The following DOCK4 variants were observed in gnomAD, a reference collection of about 807,000 sequenced individuals.
DOCK4 encodes dedicator of cytokinesis 4.
Under a neutral mutation model 268.1 loss-of-function variants are expected in DOCK4, and 97 were observed. That is an observed-to-expected ratio of 0.36 (90% CI 0.31 to 0.43). The LOEUF (loss-of-function observed/expected upper bound fraction) is 0.43. DOCK4 is among the 20% of genes least tolerant of loss of function. The probability of loss-of-function intolerance (pLI) is 1.00; values close to 1 mark genes in which losing one functional copy is unlikely to be tolerated. For synonymous variants in DOCK4, 954 were observed against 887.2 expected, an observed-to-expected ratio of 1.08 and a Z score of -1.34; for missense variants, 2,145 against 2,455.7, an observed-to-expected ratio of 0.87 and a Z score of 2.67.
intron 1 of DOCK4, among the ~76,000 whole-genome samples, chr7:112,203,518 C>T (rs757195): frequency 0.79 from 120,193 of 152,032 alleles, 47,661 homozygotes; most frequent in Middle Eastern, 0.84. Flanking sequence ...TTATCTCATA[C>T]ATAAATGAGG....
At chr7:111,939,767 A>G (rs1795053763) in intron 11 of DOCK4, among the ~76,000 whole-genome samples, 1 of 152,156 alleles carries the variant, frequency 6.6e-6, no homozygotes, top group East Asian at 1.9e-4. Flanking sequence ...ATTCTAATAA[A>G]TTTACTTCAA....
Position 112,050,415 on chromosome 7 carries a change from T to G in DOCK4, c.38-46284A>C, listed in dbSNP as rs1212679702. Among the ~76,000 whole-genome samples, 3 of 152,160 alleles carry G rather than the reference T, an allele frequency of 2.0e-5. No homozygotes were observed. The East Asian group carries it at 5.8e-4, about 29-fold the overall frequency. On this transcript the variant is annotated intron_variant, in intron 1 of 52. Coordinates refer to ENST00000428084, the MANE Select transcript of DOCK4 (RefSeq NM_001363540.2). Reference sequence around the variant, plus strand: ...CACAATCCTAAACATGGTATTTACTTGCCCAACAACCTTTTTAGTATGCTG... The same window carrying G: ...CACAATCCTAAACATGGTATTTACTGGCCCAACAACCTTTTTAGTATGCTG...
chr7:111,916,068 C>A (rs1247769915), intron 12 of DOCK4, among the ~76,000 whole-genome samples, 164 bp from the exon 13 acceptor site: 1 of 152,184 alleles, frequency 6.6e-6, no homozygotes, highest in African/African-American at 2.4e-5. Flanking sequence ...CTGAATAACA[C>A]TTTTCCAACT....
At chr7:111,741,702 T>C (rs758156487) in intron 45 of DOCK4, 41 bp from the exon 46 acceptor site, 27 of 1,600,368 alleles carry the variant, frequency 1.7e-5, no homozygotes, top group Admixed American at 1.4e-4. Context: ...ACAGTAATGA[T>C]TTGGGCAAAA....
At chr7:112,058,024 A>ATT (rs67991598) in intron 1 of DOCK4, among the ~76,000 whole-genome samples, 1,587 of 114,990 alleles carry the variant, frequency 0.014, 59 homozygotes, top group African/African-American at 0.033. Flanking sequence ...TACAGGTTCA[A>ATT]TTTTTTTTTT....
chr7:112,177,184 G>A (rs1457767295), intron 1 of DOCK4, among the ~76,000 whole-genome samples: 3 of 152,170 alleles, frequency 2.0e-5, no homozygotes. Context: ...CCTAGGCTGA[G>A]GTATTTGTTA....
intron 1 of DOCK4, among the ~76,000 whole-genome samples, chr7:112,022,379 C>T (rs1017284333): frequency 1.3e-5 from 2 of 152,186 alleles, no homozygotes; most frequent in Non-Finnish European, 2.9e-5. Flanking sequence ...TCACAAAGCT[C>T]GGTGGTGGTA....
intron 1 of DOCK4, among the ~76,000 whole-genome samples, chr7:112,024,916 T>C (rs1802638846): frequency 6.6e-6 from 1 of 152,222 alleles, no homozygotes; most frequent in Non-Finnish European, 1.5e-5. Flanking sequence ...TTACCTTTTA[T>C]ATTCTAAGCT....
chr7:111,745,479 G>A lies in DOCK4; in HGVS notation c.4677+855C>T, dbSNP rs906412952. Among the ~76,000 whole-genome samples the A allele has an allele frequency of 7.9e-5, 12 of 151,628 alleles. No individual in the cohort carries two copies. The East Asian group carries it at 1.4e-3, about 17-fold the overall frequency. ...GGGTGGATCACAAGGTCAGGAGATC[G>A]AGACCATCCTGGCTAACACAGTGAA... On this transcript the variant is annotated intron_variant, in intron 44 of 52. Transcript: ENST00000428084.
intron 1 of DOCK4, among the ~76,000 whole-genome samples, chr7:112,158,048 A>C (rs1049795561): frequency 3.3e-5 from 5 of 152,218 alleles, no homozygotes; most frequent in Admixed American, 1.3e-4. Flanking sequence ...GACTATAATA[A>C]TACTGAAATG....
At chr7:112,203,621 A>G (rs1188835574) in intron 1 of DOCK4, among the ~76,000 whole-genome samples, 1 of 152,216 alleles carries the variant, frequency 6.6e-6, no homozygotes, top group Non-Finnish European at 1.5e-5. Flanking sequence ...AGAATGAAGA[A>G]ACTAAATTAC....
At chr7:111,981,729 T>C (rs928069530) in intron 7 of DOCK4, among the ~76,000 whole-genome samples, 2 of 152,142 alleles carry the variant, frequency 1.3e-5, no homozygotes, top group Admixed American at 6.6e-5. Context: ...AATGAAGACT[T>C]TGGACTAGGA....
intron 1 of DOCK4, among the ~76,000 whole-genome samples, chr7:112,086,176 A>C (rs1809070161): frequency 6.6e-6 from 1 of 152,142 alleles, no homozygotes; most frequent in African/African-American, 2.4e-5. Context: ...TGAAGTTCAA[A>C]AAATACATGA....
intron 1 of DOCK4, among the ~76,000 whole-genome samples, chr7:112,174,865 TG>T (rs1381260273): frequency 2.6e-5 from 4 of 152,080 alleles, no homozygotes; most frequent in Admixed American, 1.3e-4. Flanking sequence ...TTTTTTGGTT[TG>T]TTTTTTTGTT....
At chr7:111,766,186 A>G (rs1797749402) in intron 38 of DOCK4, among the ~76,000 whole-genome samples, 1 of 152,196 alleles carries the variant, frequency 6.6e-6, no homozygotes, top group African/African-American at 2.4e-5. Flanking sequence ...GTATCGATGA[A>G]CTGCTGACAT....
chr7:111,925,472 T>C (rs1793529989), intron 12 of DOCK4, among the ~76,000 whole-genome samples: 1 of 152,088 alleles, frequency 6.6e-6, no homozygotes, highest in Non-Finnish European at 1.5e-5. Context: ...AATGAGTCAA[T>C]GGAGCAAAAG....
chr7:111,825,810 G>A (rs1245100213), intron 26 of DOCK4, among the ~76,000 whole-genome samples: 1 of 152,130 alleles, frequency 6.6e-6, no homozygotes, highest in East Asian at 1.9e-4. Context: ...TAAGAGAGAG[G>A]TTCAAGTAAG....
intron 12 of DOCK4, among the ~76,000 whole-genome samples, chr7:111,925,423 A>T (rs1342373628): frequency 6.6e-6 from 1 of 152,202 alleles, no homozygotes; most frequent in Non-Finnish European, 1.5e-5. Context: ...TCAAATTTCT[A>T]GAAAGTGTGA....
intron 12 of DOCK4, among the ~76,000 whole-genome samples, chr7:111,930,211 A>C (rs188424558): frequency 6.6e-6 from 1 of 152,376 alleles, no homozygotes; most frequent in East Asian, 1.9e-4. Context: ...GTGAAGATAT[A>C]GTAATTCAAT....
Sources: gnomAD v4.1 joint callset for allele counts (sites outside exome capture counted in the v4.1 genomes callset) on GRCh38, gnomAD v4.1.1 for gene constraint, MANE v1.5 for transcripts, NCBI Gene and HGNC (gene_info 2026-07-23, HGNC 2026-07-21) for gene names.